LRBA: variants seen among roughly 807,000 people sequenced by gnomAD.
LRBA encodes the protein lipopolysaccharide-responsive and beige-like anchor protein.
A neutral mutation model predicts 330.0 loss-of-function variants in LRBA; 176 were observed. The observed-to-expected ratio is 0.53, with a 90% confidence interval of 0.47 to 0.60. The LOEUF (loss-of-function observed/expected upper bound fraction) is 0.60, where lower values mean the gene tolerates loss of function less well. Ranked by LOEUF, LRBA falls within the 20% of genes least tolerant of loss-of-function variation. The probability of loss-of-function intolerance (pLI) is 0.00; values close to 1 mark genes in which losing one functional copy is unlikely to be tolerated. For missense variants in LRBA, 3,259 were observed against 3,444.8 expected, an observed-to-expected ratio of 0.95 and a Z score of 1.35; for synonymous variants, 1,230 against 1,193.0, an observed-to-expected ratio of 1.03 and a Z score of -0.64.
At chr4:150,966,379 C>A (rs544224143) in intron 2 of LRBA, among the ~76,000 whole-genome samples, 1 of 151,024 alleles carries the variant, frequency 6.6e-6, no homozygotes, top group South Asian at 2.1e-4. Context: ...ATGATCTTGA[C>A]ATACTGCAAG....
chr4:150,745,813 C>T (rs1732633968), intron 35 of LRBA, among the ~76,000 whole-genome samples: 1 of 151,986 alleles, frequency 6.6e-6, no homozygotes, highest in Admixed American at 6.6e-5. Flanking sequence ...TGCGCCCAGC[C>T]GAGAAAAAAT....
intron 5 of LRBA, among the ~76,000 whole-genome samples, chr4:150,918,633 C>T (rs1330490634): frequency 6.6e-6 from 1 of 152,142 alleles, no homozygotes; most frequent in African/African-American, 2.4e-5. Context: ...ATCTGTAATC[C>T]CAGCTACTCA....
chr4:150,590,836 T>C lies in LRBA; in HGVS notation c.6070A>G (p.Lys2024Glu), dbSNP rs1395265101. The change falls in exon 39 of 57, where the codon AAA becomes GAA. Residue 2024 changes from lysine to glutamate, a missense_variant. Physicochemically the swap from Lys to Glu is moderately conservative, Grantham distance 56. Transcript: ENST00000651943. ...TGACTCCTGATGGACTGTTTTCCTT[T>C]AGCAAGGATATCTTCATCTGTGGCT... ...EHATDEDILA[K>E]GKQSIRSQAL... is the part of the protein sequence containing the mutation. 3.1e-6 allele frequency: 5 copies of C among 1,613,792 alleles called. No homozygotes were observed. The highest frequency in any genetic ancestry group is 1.7e-6 in the Non-Finnish European group (2 of 1,179,798).
chr4:150,422,700 C>T (rs920668243), intron 46 of LRBA: 7 of 722,638 alleles, frequency 9.7e-6, no homozygotes, highest in Admixed American at 2.0e-5. Context: ...GCACTGTGGG[C>T]ACCACCAGGT....
intron 53 of LRBA, among the ~76,000 whole-genome samples, chr4:150,302,174 T>G (rs1005153095): frequency 6.6e-6 from 1 of 152,230 alleles, no homozygotes; most frequent in African/African-American, 2.4e-5. Context: ...GTATTCCACA[T>G]TGGCCTTTTA....
chr4:150,611,971 C>A (rs774114416), intron 37 of LRBA, among the ~76,000 whole-genome samples: 2 of 152,088 alleles, frequency 1.3e-5, no homozygotes, highest in Non-Finnish European at 2.9e-5. Flanking sequence ...GGCACAATCA[C>A]GGTTCACTGC....
intron 30 of LRBA, among the ~76,000 whole-genome samples, chr4:150,822,026 T>C (rs1745510575): frequency 6.6e-6 from 1 of 152,000 alleles, no homozygotes; most frequent in Non-Finnish European, 1.5e-5. Context: ...GCTTTGAAAT[T>C]CCCAAAGATA....
chr4:150,823,916 G>A (rs1745842384), intron 30 of LRBA, among the ~76,000 whole-genome samples: 1 of 151,948 alleles, frequency 6.6e-6, no homozygotes, highest in South Asian at 2.1e-4. Flanking sequence ...GCTATTCTGA[G>A]TCTCTGTGGT....
chr4:150,722,386 A>G (rs912084262), intron 36 of LRBA, among the ~76,000 whole-genome samples: 2 of 152,206 alleles, frequency 1.3e-5, no homozygotes, highest in Non-Finnish European at 2.9e-5. Context: ...TTAAGTTCCA[A>G]CTAATAAAGT....
intron 35 of LRBA, among the ~76,000 whole-genome samples, chr4:150,742,057 T>C (rs1732054508): frequency 6.6e-6 from 1 of 151,882 alleles, no homozygotes; most frequent in South Asian, 2.1e-4. Flanking sequence ...TTGATATGTA[T>C]AGGTCTTCTA....
chr4:150,437,517 ATAT>A (rs200923086), intron 44 of LRBA, among the ~76,000 whole-genome samples: 37 of 148,422 alleles, frequency 2.5e-4, no homozygotes, highest in South Asian at 6.3e-4. Flanking sequence ...CTATATATAT[ATAT>A]TATAAAATTA....
intron 40 of LRBA, among the ~76,000 whole-genome samples, chr4:150,571,001 A>G (rs1329383002): frequency 1.3e-5 from 2 of 152,138 alleles, no homozygotes; most frequent in African/African-American, 4.8e-5. Context: ...TATATGCTGT[A>G]GCAGTATGTT....
At chr4:150,942,223 C>T (rs1187710756) in intron 2 of LRBA, among the ~76,000 whole-genome samples, 2 of 152,132 alleles carry the variant, frequency 1.3e-5, no homozygotes, top group Non-Finnish European at 2.9e-5. Flanking sequence ...GTTGGGTAGA[C>T]AAAATTTCAG....
At chr4:150,680,961 A>C (rs1188573390) in intron 37 of LRBA, among the ~76,000 whole-genome samples, 1 of 152,212 alleles carries the variant, frequency 6.6e-6, no homozygotes, top group African/African-American at 2.4e-5. Context: ...CTACAAGCAA[A>C]TTACGTGGAT....
At chr4:150,850,125 G>A (rs181461233) in intron 24 of LRBA, among the ~76,000 whole-genome samples, 7 of 146,998 alleles carry the variant, frequency 4.8e-5, no homozygotes, top group East Asian at 2.0e-4. Context: ...ACAGAGTCTC[G>A]CTCTGTCGCC....
intron 2 of LRBA, among the ~76,000 whole-genome samples, chr4:150,977,539 C>T (rs551447001): frequency 6.6e-6 from 1 of 151,876 alleles, no homozygotes; most frequent in Non-Finnish European, 1.5e-5. Flanking sequence ...GACTCTGAAA[C>T]GTGCCGGCTT....
intron 40 of LRBA, among the ~76,000 whole-genome samples, chr4:150,529,987 G>C (rs758032668): frequency 2.0e-5 from 3 of 152,042 alleles, no homozygotes; most frequent in Non-Finnish European, 4.4e-5. Context: ...CATAATCCTT[G>C]CATTCCAAAA....
chr4:150,853,708 A>C (rs990731756), intron 22 of LRBA, among the ~76,000 whole-genome samples: 1 of 152,142 alleles, frequency 6.6e-6, no homozygotes, highest in Non-Finnish European at 1.5e-5. Context: ...TGTACTTGTT[A>C]ATGTCACAAG....
intron 37 of LRBA, among the ~76,000 whole-genome samples, chr4:150,637,049 CTTCTT>C (rs1345564023): frequency 6.6e-6 from 1 of 151,892 alleles, no homozygotes; most frequent in East Asian, 1.9e-4. Flanking sequence ...ATTTTTTGTT[CTTCTT>C]TTCATCTTAC....
Sources: allele counts gnomAD v4.1 joint callset (sites outside exome capture counted in the v4.1 genomes callset), GRCh38; gene constraint gnomAD v4.1.1; transcripts MANE v1.5; gene names NCBI Gene and HGNC (gene_info 2026-07-23, HGNC 2026-07-21).